Variants in PREX2 observed in about 807,000 individuals in gnomAD.
The protein encoded by PREX2 is phosphatidylinositol 3,4,5-trisphosphate-dependent Rac exchanger 2 protein.
PREX2 carries 107 observed loss-of-function variants against 203.2 expected under a neutral mutation model. That is an observed-to-expected ratio of 0.53 (90% confidence interval 0.45 to 0.62). PREX2 has a LOEUF of 0.62. Among genes scored for constraint, PREX2 ranks in the 20% least tolerant of loss-of-function variants. The probability of loss-of-function intolerance (pLI) is 0.00; values close to 1 mark genes in which losing one functional copy is unlikely to be tolerated. For missense variants in PREX2, 1,777 were observed against 1,955.9 expected (o/e 0.91, Z 1.72); for synonymous variants, 672 against 663.6 (o/e 1.01, Z -0.19).
At chr8:68,160,722 A>T (rs576441886) in intron 35 of PREX2, among the ~76,000 whole-genome samples, 1 of 152,332 alleles carries the variant, frequency 6.6e-6, no homozygotes, top group African/African-American at 2.4e-5. Context: ...AGATTCATTT[A>T]GCCAAAATGA....
At chr8:68,126,383 A>G (rs575202415) in intron 30 of PREX2, among the ~76,000 whole-genome samples, 53 of 152,266 alleles carry the variant, frequency 3.5e-4, no homozygotes, top group Non-Finnish European at 7.1e-4. Context: ...TAGATAAGGC[A>G]GATGTTATCT....
At chr8:68,172,412 C>G (rs985200242) in intron 35 of PREX2, among the ~76,000 whole-genome samples, 3 of 152,092 alleles carry the variant, frequency 2.0e-5, no homozygotes, top group Non-Finnish European at 2.9e-5. Context: ...ACCTCGTGCC[C>G]GAGAGCCTCA....
chr8:67,953,550 C>A (rs184733654), intron 1 of PREX2, among the ~76,000 whole-genome samples: 5 of 152,230 alleles, frequency 3.3e-5, no homozygotes, highest in Admixed American at 2.0e-4. Context: ...TTCCAACAAC[C>A]AATTCCATGC....
rs1361270554 is a variant in PREX2 at position 68,090,684 on chromosome 8, C to T, written c.2219C>T (p.Thr740Ile). Residue 740 changes from threonine to isoleucine, a missense_variant, in exon 20 of 40, where the codon ACA becomes ATA. Thr to Ile is a moderately conservative substitution (Grantham distance 89). Transcript: ENST00000288368. ...CATGCCAGTGTCATTGCACACGTTACAGCCTGCAGGAAGTACAGGCGGCCA... is the reference window on the plus strand; with the variant it reads ...CATGCCAGTGTCATTGCACACGTTATAGCCTGCAGGAAGTACAGGCGGCCA... ...ETHASVIAHV[T>I]ACRKYRRPTK... The T allele has an allele frequency of 2.5e-6, 4 of 1,613,792 alleles. No individual in the cohort carries two copies. The Admixed American group carries it at 6.7e-5, about 27-fold the overall frequency.
At position 68,226,108 on chromosome 8, in the gene PREX2, A is replaced by G. The variant is rs138658693; in HGVS notation, c.4775+1482A>G. Among the ~76,000 whole-genome samples the G allele has an allele frequency of 6.8e-4, 103 of 152,354 alleles. No individual in the cohort carries two copies. In the East Asian group the frequency reaches 0.017, roughly 26 times the overall value. On this transcript the variant is annotated intron_variant, in intron 39 of 39. Transcript: ENST00000288368. ...AAAATGAGCCAGCCATAAAGTTGACATTATCTACAAGGGAGTAATAGGCCT... is the reference window on the plus strand; with the variant it reads ...AAAATGAGCCAGCCATAAAGTTGACGTTATCTACAAGGGAGTAATAGGCCT...
At chr8:68,097,296 C>A in intron 22 of PREX2, 95 bp downstream of exon 22, 1 of 958,656 alleles carries the variant, frequency 1.0e-6, no homozygotes, top group Non-Finnish European at 1.5e-6. Flanking sequence ...AATAGCTATA[C>A]ATGTTGCAGC....
At chr8:68,146,458 A>AATATTATTT in intron 34 of PREX2, 106 bp downstream of exon 34, 1 of 1,015,240 alleles carries the variant, frequency 9.8e-7, no homozygotes. Flanking sequence ...TTAATTTGAA[A>AATATTATTT]ATATTATTTA....
chr8:68,022,172 G>A, intron 4 of PREX2, 32 bp downstream of exon 4: 1 of 1,048,488 alleles, frequency 9.5e-7, no homozygotes, highest in East Asian at 2.4e-5. Context: ...ACTGTATGTT[G>A]ATATGTGTTG....
chr8:68,041,646 A>C (rs549509976), intron 7 of PREX2, among the ~76,000 whole-genome samples: 236 of 152,204 alleles, frequency 1.6e-3, no homozygotes, highest in South Asian at 3.7e-3. Context: ...GTTTGATAGC[A>C]AGATTGAGAT....
chr8:68,021,200 TCTAA>T (rs367667827), intron 3 of PREX2, among the ~76,000 whole-genome samples: 27 of 152,306 alleles, frequency 1.8e-4, no homozygotes, highest in African/African-American at 2.4e-4. Context: ...TAGTGACAGC[TCTAA>T]CTGTTAGAAA....
chr8:68,116,288 G>A (rs1364749656), intron 26 of PREX2, among the ~76,000 whole-genome samples: 1 of 152,192 alleles, frequency 6.6e-6, no homozygotes, highest in East Asian at 1.9e-4. Flanking sequence ...GGTTTATTGG[G>A]TAGTGAATAG....
At chr8:68,041,279 G>T (rs1431507492) in intron 7 of PREX2, among the ~76,000 whole-genome samples, 2 of 152,110 alleles carry the variant, frequency 1.3e-5, no homozygotes, top group African/African-American at 2.4e-5. Context: ...TGATTTATAA[G>T]ACAGACTTAA....
At position 68,080,493 on chromosome 8, in the gene PREX2, T is replaced by C. The variant is rs1265509346; in HGVS notation, c.1693T>C (p.Ser565Pro). Residue 565 changes from serine to proline, a missense_variant, in exon 16 of 40, where the codon TCG (serine) becomes CCG (proline). Transcript: ENST00000288368. ...TGAACCCCTACTTTTCCGTTTTTTTTCGGATGAGGAAATGGAGGGATCAAA... is the reference window on the plus strand; with the variant it reads ...TGAACCCCTACTTTTCCGTTTTTTTCCGGATGAGGAAATGGAGGGATCAAA... ...KDEPLLFRFF[S>P]DEEMEGSNMK... The C allele has an allele frequency of 1.9e-6, 3 of 1,613,138 alleles. No individual in the cohort carries two copies.
chr8:67,964,767 A>ATG (rs1201617835), intron 1 of PREX2, among the ~76,000 whole-genome samples: 1 of 152,084 alleles, frequency 6.6e-6, no homozygotes, highest in Non-Finnish European at 1.5e-5. Context: ...TGTGTTTCTT[A>ATG]TGTGTTAGGC....
intron 1 of PREX2, among the ~76,000 whole-genome samples, chr8:67,970,067 C>T (rs185275983): frequency 1.4e-4 from 22 of 152,170 alleles, no homozygotes; most frequent in Admixed American, 4.6e-4. Context: ...TTAGAGATTC[C>T]GTAAGTATGG....
chr8:68,137,268 A>G (rs17376234), intron 32 of PREX2, among the ~76,000 whole-genome samples: 58,388 of 151,258 alleles, frequency 0.39, 11,656 homozygotes, highest in Non-Finnish European at 0.43. Context: ...AGGATCATTG[A>G]CATTTTATTT....
chr8:68,105,393 T>G lies in PREX2; in HGVS notation c.2716-2716T>G, dbSNP rs1157223966. ...ACCCTTTGGAACAGTTCAGGCACCC[T>G]TAGACACAGTACACAGCCCTTCCTA... On this transcript the variant is annotated intron_variant, in intron 23 of 39. Transcript: ENST00000288368. 2.2e-6 allele frequency: 3 copies of G among 1,343,208 alleles called. No homozygotes were observed. In the East Asian group the frequency reaches 1.4e-4, roughly 62 times the overall value. The allele number at this position is 1,343,208 out of a possible 1,614,324, so 83.2% of individuals were successfully genotyped here.
intron 34 of PREX2, among the ~76,000 whole-genome samples, chr8:68,152,180 T>G (rs1467416042): frequency 6.8e-6 from 1 of 147,184 alleles, no homozygotes; most frequent in African/African-American, 2.5e-5. Flanking sequence ...TCCCAGCTAC[T>G]GGGGAGGCTG....
intron 23 of PREX2, 103 bp downstream of exon 23, chr8:68,099,946 C>A: frequency 9.7e-7 from 1 of 1,030,260 alleles, no homozygotes; most frequent in Non-Finnish European, 1.5e-6. Context: ...TTGTTAGGTA[C>A]CATTTTACTG....
Sources: gnomAD v4.1 joint callset for allele counts (sites outside exome capture counted in the v4.1 genomes callset) on GRCh38, gnomAD v4.1.1 for gene constraint, MANE v1.5 for transcripts, NCBI Gene and HGNC (gene_info 2026-07-23, HGNC 2026-07-21) for gene names.